DNAH14: variants seen among roughly 807,000 people sequenced by gnomAD.
DNAH14 encodes dynein axonemal heavy chain 14, also known as axonemal beta dynein heavy chain 14.
Under a neutral mutation model 520.9 loss-of-function variants are expected in DNAH14, and 478 were observed. The observed-to-expected ratio is 0.92, with a 90% CI of 0.85 to 0.99. The LOEUF is 0.99. Ranked by LOEUF, DNAH14 falls within the 50% of genes least tolerant of loss-of-function variation. DNAH14 has a pLI of 0.00. For synonymous variants in DNAH14, 1,581 were observed against 1,757.2 expected (o/e 0.90, Z 2.51); for missense variants, 4,831 against 5,234.5 (o/e 0.92, Z 2.38).
At chr1:225,116,190 G>A (rs1201400723) in intron 23 of DNAH14, among the ~76,000 whole-genome samples, 5 of 152,182 alleles carry the variant, frequency 3.3e-5, no homozygotes, top group Admixed American at 3.3e-4. Flanking sequence ...AGTGGTGAGA[G>A]ATGAGATTCT....
chr1:225,263,885 T>C (rs2093023830), intron 46 of DNAH14, among the ~76,000 whole-genome samples: 1 of 152,074 alleles, frequency 6.6e-6, no homozygotes, highest in African/African-American at 2.4e-5. Context: ...TGCTGAGTGA[T>C]CCGTAAGGCA....
intron 83 of DNAH14, 36 bp from the exon 84 acceptor site, chr1:225,392,255 C>G: frequency 6.5e-7 from 1 of 1,549,672 alleles, no homozygotes; most frequent in Non-Finnish European, 8.7e-7. Flanking sequence ...CCCTGAGACT[C>G]ACAAGGAACT....
chr1:225,348,029 C>CTA (rs1393999127), intron 71 of DNAH14, among the ~76,000 whole-genome samples: 1 of 151,898 alleles, frequency 6.6e-6, no homozygotes, highest in Non-Finnish European at 1.5e-5. Context: ...GACATAAAAA[C>CTA]TATAAAAAAG....
chr1:224,948,197 G>A (rs926431579), intron 1 of DNAH14, among the ~76,000 whole-genome samples: 1 of 150,908 alleles, frequency 6.6e-6, no homozygotes, highest in African/African-American at 2.4e-5. Context: ...GGTTCTTTCA[G>A]TTTTTGCAAT....
chr1:225,207,324 T>C, intron 41 of DNAH14, 104 bp downstream of exon 41: 13 of 1,232,248 alleles, frequency 1.1e-5, no homozygotes, highest in Non-Finnish European at 1.3e-5. Context: ...GAGCAGGCAT[T>C]TTTAGTCTAT....
intron 10 of DNAH14, among the ~76,000 whole-genome samples, chr1:225,022,669 T>C (rs1204119344): frequency 1.3e-5 from 2 of 152,208 alleles, no homozygotes; most frequent in Non-Finnish European, 2.9e-5. Context: ...TCAGCCACTT[T>C]GGAAAGCAGT....
Position 225,021,303 on chromosome 1 carries a change from A to T in DNAH14, c.1108-2312A>T, listed in dbSNP as rs77855878. On this transcript the variant is annotated intron_variant, in intron 10 of 85. Coordinates refer to ENST00000682510, the MANE Select transcript of DNAH14 (RefSeq NM_001367479.1). Reference sequence around the variant, plus strand: ...AGTACTGGAAATTCTAGCCAGATCAATTATGCAAGAGAGAGAAGCATAAGG... The same window carrying T: ...AGTACTGGAAATTCTAGCCAGATCATTTATGCAAGAGAGAGAAGCATAAGG... Among the ~76,000 whole-genome samples, 6 of 152,208 alleles carry T rather than the reference A, an allele frequency of 3.9e-5. No individual in the cohort carries two copies. The East Asian group carries it at 9.6e-4, about 24-fold the overall frequency.
At chr1:225,354,542 T>G (rs1232723614) in intron 73 of DNAH14, among the ~76,000 whole-genome samples, 1 of 152,140 alleles carries the variant, frequency 6.6e-6, no homozygotes, top group Non-Finnish European at 1.5e-5. Context: ...CTTATAATAG[T>G]CTTGGAAGGT....
At chr1:225,153,849 A>G in intron 34 of DNAH14, 23 bp downstream of exon 34, 1 of 1,530,190 alleles carries the variant, frequency 6.5e-7, no homozygotes, top group South Asian at 1.2e-5. Context: ...TTGAATTGTT[A>G]GGTCAAAGGG....
rs979921405 is a variant in DNAH14 at position 225,097,067 on chromosome 1, A to T, written c.3574-51A>T. 2.1e-6 allele frequency: 3 copies of T among 1,434,110 alleles called. No homozygotes were observed. The African/African-American group carries it at 4.3e-5, about 21-fold the overall frequency. 88.8% of individuals were successfully genotyped at this position (1,434,110 alleles called of 1,614,324 possible). A position where few individuals can be genotyped will look rare whatever the true frequency, so the allele number is the denominator to read the frequency against. ...TGTTTCTGTTATGTAACTCTTAAAG[A>T]ATAATTTTATATATTTAGATTTGTA... On this transcript the variant is annotated intron_variant, in intron 21 of 85. Transcript: ENST00000682510.
chr1:225,354,197 C>T (rs3915579), intron 73 of DNAH14: 72,525 of 701,658 alleles, frequency 0.1, 5,083 homozygotes, highest in East Asian at 0.28. Flanking sequence ...CCTGCTTCTC[C>T]GTGCCATAAA....
intron 22 of DNAH14, among the ~76,000 whole-genome samples, 178 bp from the exon 23 acceptor site, chr1:225,100,535 C>A (rs1348912093): frequency 2.0e-5 from 3 of 152,092 alleles, no homozygotes; most frequent in African/African-American, 7.2e-5. Context: ...CCATTTCTTA[C>A]CATGTGCATC....
At chr1:225,182,040 C>CAA (rs59611722) in intron 36 of DNAH14, among the ~76,000 whole-genome samples, 5 of 150,778 alleles carry the variant, frequency 3.3e-5, no homozygotes, top group African/African-American at 1.2e-4. Context: ...ATAAAAATAC[C>CAA]AAAAAAAAAT....
chr1:225,117,587 T>C, intron 23 of DNAH14, 97 bp from the exon 24 acceptor site: 4 of 702,072 alleles, frequency 5.7e-6, no homozygotes, highest in Middle Eastern at 3.8e-4. Flanking sequence ...TAACTAATAT[T>C]GTGGCTTTTG....
At chr1:225,129,800 A>G (rs999457098) in intron 27 of DNAH14, among the ~76,000 whole-genome samples, 6 of 152,208 alleles carry the variant, frequency 3.9e-5, no homozygotes, top group Non-Finnish European at 8.8e-5. Flanking sequence ...ATGGCAACCA[A>G]AGCCAAAATT....
chr1:225,224,638 A>G (rs2090369096), intron 41 of DNAH14, among the ~76,000 whole-genome samples: 1 of 152,142 alleles, frequency 6.6e-6, no homozygotes, highest in Admixed American at 6.5e-5. Flanking sequence ...AAACTAATTC[A>G]GTTCTTATCT....
At chr1:225,282,818 A>G (rs1316938669) in intron 54 of DNAH14, among the ~76,000 whole-genome samples, 1 of 152,112 alleles carries the variant, frequency 6.6e-6, no homozygotes, top group Non-Finnish European at 1.5e-5. Flanking sequence ...TCATTTGTTT[A>G]TTGATCATTC....
intron 21 of DNAH14, among the ~76,000 whole-genome samples, chr1:225,096,512 C>G (rs2074990127): frequency 6.6e-6 from 1 of 152,002 alleles, no homozygotes; most frequent in Non-Finnish European, 1.5e-5. Context: ...TAACCATTTT[C>G]CTATTACTTT....
At position 225,381,382 on chromosome 1, in the gene DNAH14, G is replaced by T. The variant is rs1158320374; in HGVS notation, c.12881-1G>T. 6.5e-7 allele frequency: 1 copy of T among 1,532,458 alleles called. No individual in the cohort carries two copies. Among genetic ancestry groups the T allele is most frequent in the Admixed American group, 2.2e-5 (1 of 44,522 alleles). The allele number at this position is 1,532,458 out of a possible 1,614,324, so 94.9% of individuals were successfully genotyped here. On this transcript the variant is annotated splice_acceptor_variant, in intron 80 of 85. Transcript: ENST00000682510. LOFTEE classifies it high-confidence loss of function. ...AAATTTTATTTCTTTTTAAAATCCA[G>T]ATCACGACCCCCTTATCCATTGTGT...
Sources: allele counts gnomAD v4.1 joint callset (sites outside exome capture counted in the v4.1 genomes callset), GRCh38; gene constraint gnomAD v4.1.1; transcripts MANE v1.5; gene names NCBI Gene and HGNC (gene_info 2026-07-23, HGNC 2026-07-21).